Variants in PCDH15 observed in about 807,000 individuals in gnomAD.
PCDH15 encodes the protein protocadherin related 15, also known as protocadherin-15.
Under a neutral mutation model 178.5 loss-of-function variants are expected in PCDH15, and 129 were observed. That is an observed-to-expected ratio of 0.72 (90% confidence interval 0.63 to 0.84). The LOEUF (loss-of-function observed/expected upper bound fraction) is 0.84. Among genes scored for constraint, PCDH15 ranks in the 40% least tolerant of loss-of-function variants. PCDH15 has a pLI of 0.00. For synonymous variants in PCDH15, 800 were observed against 732.0 expected (o/e 1.09, Z -1.50); for missense variants, 2,230 against 2,099.9 (o/e 1.06, Z -1.21).
intron 2 of PCDH15, among the ~76,000 whole-genome samples, chr10:55,454,721 C>T (rs1565156354): frequency 2.7e-5 from 4 of 146,682 alleles, no homozygotes. Flanking sequence ...GGAGGCGGAG[C>T]TTGCAGTGAG....
chr10:54,288,711 C>A (rs1231282982), intron 8 of PCDH15, among the ~76,000 whole-genome samples: 1 of 152,238 alleles, frequency 6.6e-6, no homozygotes, highest in Non-Finnish European at 1.5e-5. Flanking sequence ...AAGAGATTCT[C>A]TCCTGTGCCT....
intron 2 of PCDH15, among the ~76,000 whole-genome samples, chr10:55,379,640 C>T (rs1182993360): frequency 6.6e-6 from 1 of 151,908 alleles, no homozygotes; most frequent in Non-Finnish European, 1.5e-5. Context: ...TACTTATTTA[C>T]AAACCCAGGC....
chr10:55,364,335 A>G (rs1188445341), intron 2 of PCDH15, among the ~76,000 whole-genome samples: 1 of 152,180 alleles, frequency 6.6e-6, no homozygotes, highest in African/African-American at 2.4e-5. Context: ...CTAAGTCATT[A>G]CATATTCTTT....
At chr10:54,269,335 C>T (rs1040891081) in intron 8 of PCDH15, among the ~76,000 whole-genome samples, 15 of 151,854 alleles carry the variant, frequency 9.9e-5, no homozygotes, top group African/African-American at 2.4e-4. Flanking sequence ...TGTATAAAAA[C>T]GACTTTGTAA....
chr10:54,419,274 A>T (rs914015087), intron 3 of PCDH15, among the ~76,000 whole-genome samples: 1 of 146,240 alleles, frequency 6.8e-6, no homozygotes, highest in African/African-American at 2.5e-5. Context: ...ACACCTATAT[A>T]TCAACAACTC....
chr10:55,090,039 A>T (rs1366564789), intron 2 of PCDH15, among the ~76,000 whole-genome samples: 3 of 152,134 alleles, frequency 2.0e-5, no homozygotes, highest in Non-Finnish European at 2.9e-5. Context: ...TTTAATGAGT[A>T]GTTAAAAGAT....
intron 1 of PCDH15, among the ~76,000 whole-genome samples, chr10:54,776,358 C>G (rs149928030): frequency 0.016 from 2,402 of 152,030 alleles, 30 homozygotes; most frequent in Non-Finnish European, 0.024. Context: ...ATAAAATTAA[C>G]TAGTCCCAGC....
At chr10:54,184,665 G>A (rs1380929163) in intron 12 of PCDH15, among the ~76,000 whole-genome samples, 1 of 151,782 alleles carries the variant, frequency 6.6e-6, no homozygotes, top group Non-Finnish European at 1.5e-5. Flanking sequence ...CCTACTAGAT[G>A]CCTATAGTAA....
At chr10:53,867,370 TAGA>T (rs944313958) in intron 26 of PCDH15, among the ~76,000 whole-genome samples, 26 of 152,230 alleles carry the variant, frequency 1.7e-4, no homozygotes, top group African/African-American at 5.8e-4. Flanking sequence ...TCCAAATAGC[TAGA>T]AGAAGGATAT....
At chr10:55,078,320 C>T (rs1841960046) in intron 2 of PCDH15, among the ~76,000 whole-genome samples, 1 of 152,064 alleles carries the variant, frequency 6.6e-6, no homozygotes, top group Admixed American at 6.6e-5. Flanking sequence ...TTGCATCTGT[C>T]TGGGGGATTG....
intron 1 of PCDH15, among the ~76,000 whole-genome samples, chr10:55,183,434 C>G (rs1839708240): frequency 6.6e-6 from 1 of 151,832 alleles, no homozygotes; most frequent in Non-Finnish European, 1.5e-5. Context: ...GAAAAGCGCT[C>G]TATACACCCA....
At chr10:54,871,186 A>T (rs1269411813) in intron 3 of PCDH15, among the ~76,000 whole-genome samples, 2 of 152,170 alleles carry the variant, frequency 1.3e-5, no homozygotes, top group Admixed American at 6.5e-5. Context: ...GAGAACCACT[A>T]CTTGATCTGA....
chr10:53,856,864 C>T (rs1356862995), intron 28 of PCDH15, among the ~76,000 whole-genome samples: 2 of 151,970 alleles, frequency 1.3e-5, no homozygotes, highest in Non-Finnish European at 2.9e-5. Flanking sequence ...TGTTCAAATA[C>T]TGCATGTTAT....
chr10:54,169,683 A>C (rs188940727), intron 13 of PCDH15, among the ~76,000 whole-genome samples: 108 of 150,450 alleles, frequency 7.2e-4, no homozygotes, highest in South Asian at 1.5e-3. Flanking sequence ...CTTGGCGACC[A>C]ATCATGCACC....
chr10:54,289,626 T>C (rs2059266056), intron 8 of PCDH15, among the ~76,000 whole-genome samples: 1 of 152,056 alleles, frequency 6.6e-6, no homozygotes, highest in Admixed American at 6.6e-5. Context: ...TTTGAACCCA[T>C]TGCAAGGAAG....
At chr10:54,600,654 G>GT in intron 2 of PCDH15, 1 of 570,250 alleles carries the variant, frequency 1.8e-6, no homozygotes, top group East Asian at 4.5e-5. Flanking sequence ...TTCACATGCC[G>GT]TAATAAAGGA....
intron 11 of PCDH15, among the ~76,000 whole-genome samples, chr10:54,187,860 A>G (rs1591043358): frequency 6.6e-6 from 1 of 151,846 alleles, no homozygotes; most frequent in African/African-American, 2.4e-5. Flanking sequence ...AGGAAGCCAG[A>G]TTTGGAAATG....
chr10:55,120,702 T>G (rs7096972), intron 2 of PCDH15, among the ~76,000 whole-genome samples: 141,305 of 152,208 alleles, frequency 0.93, 66,418 homozygotes, highest in East Asian at 1. Context: ...CTTGATGCAT[T>G]ATCTCACCTC....
chr10:54,376,964 AT>A (rs1429327195), intron 4 of PCDH15, among the ~76,000 whole-genome samples: 1 of 151,998 alleles, frequency 6.6e-6, no homozygotes, highest in Non-Finnish European at 1.5e-5. Context: ...TAGGAGATTC[AT>A]TTTTTAAAAA....
Sources: allele counts gnomAD v4.1 joint callset (sites outside exome capture counted in the v4.1 genomes callset), GRCh38; gene constraint gnomAD v4.1.1; transcripts MANE v1.5; gene names NCBI Gene and HGNC (gene_info 2026-07-23, HGNC 2026-07-21).